The following PDZRN3 variants were observed in gnomAD, a reference collection of about 807,000 sequenced individuals.
The protein encoded by PDZRN3 is E3 ubiquitin-protein ligase PDZRN3.
A neutral mutation model predicts 85.7 loss-of-function variants in PDZRN3; 38 were observed. The observed-to-expected ratio is 0.44, with a 90% confidence interval of 0.34 to 0.58. The LOEUF is 0.58. PDZRN3 is among the 20% of genes least tolerant of loss of function. PDZRN3 has a pLI of 0.01. For synonymous variants in PDZRN3, 759 were observed against 638.0 expected, an observed-to-expected ratio of 1.19 and a Z score of -2.86; for missense variants, 1,629 against 1,506.4, an observed-to-expected ratio of 1.08 and a Z score of -1.35.
chr3:73,616,351 C>T (rs974738704), intron 1 of PDZRN3, among the ~76,000 whole-genome samples: 1 of 152,172 alleles, frequency 6.6e-6, no homozygotes, highest in Non-Finnish European at 1.5e-5. Context: ...ATCTAAAAAA[C>T]CATAAGTGCA....
intron 3 of PDZRN3, among the ~76,000 whole-genome samples, chr3:73,494,605 T>C (rs1189075033): frequency 6.6e-6 from 1 of 152,196 alleles, no homozygotes; most frequent in Non-Finnish European, 1.5e-5. Flanking sequence ...TTCACCGCAA[T>C]TGTATATAAA....
At chr3:73,568,695 A>C (rs1054193225) in intron 3 of PDZRN3, among the ~76,000 whole-genome samples, 2 of 152,240 alleles carry the variant, frequency 1.3e-5, no homozygotes, top group Non-Finnish European at 2.9e-5. Flanking sequence ...GCTGGCCAAC[A>C]ACCAAACTCT....
intron 3 of PDZRN3, among the ~76,000 whole-genome samples, chr3:73,481,853 G>C (rs1703567386): frequency 6.6e-6 from 1 of 152,136 alleles, no homozygotes; most frequent in Non-Finnish European, 1.5e-5. Flanking sequence ...CCAGAAGAGA[G>C]AAAAAGACAA....
chr3:73,442,695 G>A (rs1351912632), intron 3 of PDZRN3, among the ~76,000 whole-genome samples: 1 of 29,424 alleles, frequency 3.4e-5, no homozygotes, highest in African/African-American at 1.4e-4. Context: ...GAAAATGTGT[G>A]GATTTTTTTT....
In PDZRN3 at chr3:73,499,274, A is replaced by T. The variant is rs113579247; in HGVS notation, c.919-94879T>A. Among the ~76,000 whole-genome samples the T allele has an allele frequency of 6.1e-3, 923 of 152,272 alleles. 11 individuals carry two copies. Among genetic ancestry groups the T allele is most frequent in the African/African-American group, 0.021 (871 of 41,558 alleles). On this transcript the variant is annotated intron_variant, in intron 3 of 9. Coordinates refer to ENST00000263666, the MANE Select transcript of PDZRN3 (RefSeq NM_015009.3). Reference sequence around the variant, plus strand: ...CGAGTCCTGATCTCATGGAGTTTTCATTTGTAATCCGTATAGTGTGATTAG... The same window carrying T: ...CGAGTCCTGATCTCATGGAGTTTTCTTTTGTAATCCGTATAGTGTGATTAG...
intron 3 of PDZRN3, among the ~76,000 whole-genome samples, chr3:73,561,046 C>T (rs1478852983): frequency 6.6e-6 from 1 of 152,184 alleles, no homozygotes; most frequent in Non-Finnish European, 1.5e-5. Context: ...TGCCTATTAG[C>T]AGAACATAAC....
intron 3 of PDZRN3, among the ~76,000 whole-genome samples, chr3:73,429,130 T>C (rs1575647947): frequency 6.6e-6 from 1 of 152,096 alleles, no homozygotes; most frequent in East Asian, 1.9e-4. Flanking sequence ...TGGCCATTCC[T>C]GAACTCCTGG....
intron 5 of PDZRN3, among the ~76,000 whole-genome samples, chr3:73,393,986 AATC>A (rs2106700510): frequency 6.6e-6 from 1 of 152,228 alleles, no homozygotes; most frequent in South Asian, 2.1e-4. Context: ...TCATGTTGCT[AATC>A]ATGATTTTTC....
At chr3:73,475,377 C>T (rs1160000494) in intron 3 of PDZRN3, among the ~76,000 whole-genome samples, 1 of 152,184 alleles carries the variant, frequency 6.6e-6, no homozygotes. Flanking sequence ...TTCTACTTTC[C>T]TGTTAGCTGT....
intron 3 of PDZRN3, among the ~76,000 whole-genome samples, chr3:73,562,035 G>A (rs751315760): frequency 9.9e-5 from 15 of 151,936 alleles, no homozygotes; most frequent in Non-Finnish European, 2.1e-4. Flanking sequence ...CACTTACTAG[G>A]AAATTCATAA....
chr3:73,502,592 G>A lies in PDZRN3; in HGVS notation c.919-98197C>T, dbSNP rs559641708. Among the ~76,000 whole-genome samples the A allele has an allele frequency of 4.6e-5, 7 of 152,270 alleles. No homozygotes were observed. In the South Asian group the frequency reaches 1.0e-3, roughly 23 times the overall value. ...TCCCTTGCCTTACCCATAAGGCTGC[G>A]TGGTCAGAATTCCTATTTTATGGTA... is the stretch of plus-strand genomic sequence containing the variant. On this transcript the variant is annotated intron_variant, in intron 3 of 9. Coordinates refer to ENST00000263666, the MANE Select transcript of PDZRN3 (RefSeq NM_015009.3).
At chr3:73,555,801 A>T (rs764219651) in intron 3 of PDZRN3, among the ~76,000 whole-genome samples, 3 of 152,244 alleles carry the variant, frequency 2.0e-5, no homozygotes, top group Non-Finnish European at 4.4e-5. Flanking sequence ...GAAATCAGCT[A>T]TTTAAAATGT....
intron 3 of PDZRN3, among the ~76,000 whole-genome samples, chr3:73,421,082 A>C (rs1013832840): frequency 5.9e-5 from 9 of 152,218 alleles, no homozygotes; most frequent in Non-Finnish European, 1.2e-4. Context: ...ACTTTGTGGA[A>C]TTATTTTTTC....
intron 3 of PDZRN3, among the ~76,000 whole-genome samples, chr3:73,589,143 G>A (rs1702319026): frequency 6.6e-6 from 1 of 151,802 alleles, no homozygotes; most frequent in South Asian, 2.1e-4. Flanking sequence ...CGCCTCCTGG[G>A]TTCACGCCAT....
chr3:73,610,304 C>A (rs1702663657), intron 1 of PDZRN3, among the ~76,000 whole-genome samples: 1 of 151,988 alleles, frequency 6.6e-6, no homozygotes, highest in Non-Finnish European at 1.5e-5. Context: ...GTTACTGTAC[C>A]CAACAAAAAA....
intron 3 of PDZRN3, among the ~76,000 whole-genome samples, chr3:73,472,756 G>A (rs57084302): frequency 1.2e-3 from 177 of 152,232 alleles, no homozygotes; most frequent in African/African-American, 4.1e-3. Flanking sequence ...TTACATCATG[G>A]CTGAGAAAAA....
At position 73,406,850 on chromosome 3, in the gene PDZRN3, C is replaced by G. The variant is rs572289893; in HGVS notation, c.919-2455G>C. ...TGGGGAATTAGAATCCAGGCATCTT[C>G]TAGTTGTGTCCAGAAAGGAACCTAT... On this transcript the variant is annotated intron_variant, in intron 3 of 9. Transcript: ENST00000263666. Among the ~76,000 whole-genome samples, 3 of 152,328 alleles carry G rather than the reference C, an allele frequency of 2.0e-5. No homozygotes were observed. In the South Asian group the frequency reaches 6.2e-4, roughly 32 times the overall value.
intron 3 of PDZRN3, 65 bp downstream of exon 3, chr3:73,602,289 T>A: frequency 2.3e-6 from 2 of 885,230 alleles, no homozygotes; most frequent in Non-Finnish European, 3.8e-6. Context: ...AACATCTTGC[T>A]TTGAGCTAGA....
At chr3:73,490,154 C>T (rs565728366) in intron 3 of PDZRN3, among the ~76,000 whole-genome samples, 9 of 152,206 alleles carry the variant, frequency 5.9e-5, no homozygotes, top group Non-Finnish European at 1.3e-4. Flanking sequence ...CCCCAGCACA[C>T]CTGCACCCCT....
Sources: gnomAD v4.1 joint callset for allele counts (sites outside exome capture counted in the v4.1 genomes callset) on GRCh38, gnomAD v4.1.1 for gene constraint, MANE v1.5 for transcripts, NCBI Gene and HGNC (gene_info 2026-07-23, HGNC 2026-07-21) for gene names.